Variants in SHANK2 observed in about 807,000 individuals in gnomAD.
SHANK2 encodes SH3 and multiple ankyrin repeat domains protein 2.
Under a neutral mutation model 133.7 loss-of-function variants are expected in SHANK2, and 43 were observed. The ratio of observed to expected loss-of-function variants is 0.32; its 90% confidence interval spans 0.25 to 0.41. The LOEUF (loss-of-function observed/expected upper bound fraction) is 0.41, where lower values mean the gene tolerates loss of function less well. Among genes scored for constraint, SHANK2 ranks in the 10% least tolerant of loss-of-function variants. The probability of loss-of-function intolerance (pLI) is 1.00; values close to 1 mark genes in which losing one functional copy is unlikely to be tolerated. For missense variants in SHANK2, 1,994 were observed against 2,235.8 expected, an observed-to-expected ratio of 0.89 and a Z score of 2.18; for synonymous variants, 1,017 against 952.8, an observed-to-expected ratio of 1.07 and a Z score of -1.24.
At chr11:70,532,134 T>C (rs1378520546) in intron 17 of SHANK2, among the ~76,000 whole-genome samples, 3 of 152,202 alleles carry the variant, frequency 2.0e-5, no homozygotes, top group Non-Finnish European at 2.9e-5. Context: ...AACTCAATGC[T>C]GAGCATGAGT....
intron 11 of SHANK2, among the ~76,000 whole-genome samples, chr11:70,825,333 ATT>A (rs1349260819): frequency 6.6e-6 from 1 of 152,212 alleles, no homozygotes; most frequent in Non-Finnish European, 1.5e-5. Flanking sequence ...CAGAAGGTGA[ATT>A]TTGGTGAATA....
intron 17 of SHANK2, among the ~76,000 whole-genome samples, chr11:70,653,859 C>T (rs1380137894): frequency 5.3e-5 from 8 of 152,214 alleles, no homozygotes; most frequent in Admixed American, 4.6e-4. Context: ...GTCTCGAACT[C>T]CTGACCTCAA....
intron 14 of SHANK2, among the ~76,000 whole-genome samples, chr11:70,781,152 G>T (rs887462179): frequency 1.3e-5 from 2 of 150,578 alleles, no homozygotes; most frequent in Non-Finnish European, 3.0e-5. Context: ...GTGAGACCCC[G>T]GACCGGTTGC....
At position 70,813,024 on chromosome 11, in the gene SHANK2, A is replaced by ACATT. The variant is rs1363470928; in HGVS notation, c.1494-5857_1494-5854dup. Among the ~76,000 whole-genome samples, 43 of 152,110 alleles carry ACATT rather than the reference A, an allele frequency of 2.8e-4. 2 individuals carry two copies. The highest frequency in any genetic ancestry group is 2.5e-3 in the Admixed American group (38 of 15,266). ...ATTCATTCATTCACCAGTCAGTTAC[A>ACATT]CATTCATTCATTCATCCAGCAAGTA... On this transcript the variant is annotated intron_variant, in intron 12 of 25. Coordinates refer to ENST00000601538, the MANE Select transcript of SHANK2 (RefSeq NM_012309.5).
intron 17 of SHANK2, among the ~76,000 whole-genome samples, chr11:70,659,031 A>G (rs1000709814): frequency 1.1e-4 from 17 of 152,246 alleles, no homozygotes; most frequent in African/African-American, 4.1e-4. Flanking sequence ...TCTTCTTCCT[A>G]CTTCCAAAGA....
intron 17 of SHANK2, among the ~76,000 whole-genome samples, chr11:70,594,777 T>C (rs2060374891): frequency 6.6e-6 from 1 of 152,124 alleles, no homozygotes; most frequent in African/African-American, 2.4e-5. Context: ...TGGGCATTCG[T>C]TGCCCATCAC....
rs75444828 is a variant in SHANK2, at chr11:70,769,538, C to A, written c.1777+28905G>T. On this transcript the variant is annotated intron_variant, in intron 14 of 25. Coordinates refer to ENST00000601538, the MANE Select transcript of SHANK2 (RefSeq NM_012309.5). ...TTGTGCTCAACAGACGTGATGCATA[C>A]CTGGTGCACACGGCAGGGGGTGGGG... 1.9e-4 allele frequency among the ~76,000 whole-genome samples: 28 copies of A among 150,178 alleles called. No homozygotes were observed. The East Asian group carries it at 5.2e-3, about 28-fold the overall frequency.
chr11:71,204,736 A>G (rs1555117732), intron 2 of SHANK2, among the ~76,000 whole-genome samples: 1 of 152,108 alleles, frequency 6.6e-6, no homozygotes, highest in Admixed American at 6.5e-5. Flanking sequence ...AAGACCAAGA[A>G]TGCACTCATT....
intron 10 of SHANK2, among the ~76,000 whole-genome samples, chr11:70,939,159 G>C (rs1950610895): frequency 6.6e-6 from 1 of 152,138 alleles, no homozygotes; most frequent in African/African-American, 2.4e-5. Flanking sequence ...TTCCCTCCGG[G>C]GCTTTGGGTT....
chr11:70,734,216 G>T (rs1183601982), intron 14 of SHANK2, among the ~76,000 whole-genome samples: 4 of 152,186 alleles, frequency 2.6e-5, no homozygotes, highest in African/African-American at 7.2e-5. Flanking sequence ...GCCCTTCCAG[G>T]GCACCGTGAC....
chr11:70,816,317 C>G lies in SHANK2; in HGVS notation c.1493+4047G>C, dbSNP rs1285866805. Among the ~76,000 whole-genome samples the G allele has an allele frequency of 3.9e-5, 6 of 152,346 alleles. No homozygotes were observed. In the East Asian group the frequency reaches 1.2e-3, roughly 29 times the overall value. On this transcript the variant is annotated intron_variant, in intron 12 of 25. Transcript: ENST00000601538. ...AAGGTCAGCTGGCGGGTGGGTAGAG[C>G]CAGGTAGCCCTGGCGGTCAGCACTG...
At chr11:71,117,515 G>A (rs1412223330) in intron 4 of SHANK2, among the ~76,000 whole-genome samples, 7 of 152,182 alleles carry the variant, frequency 4.6e-5, no homozygotes, top group South Asian at 2.1e-4. Context: ...GCTGGTGGCC[G>A]GAAGGATCAG....
intron 17 of SHANK2, among the ~76,000 whole-genome samples, chr11:70,618,167 G>C (rs1366202124): frequency 6.6e-6 from 1 of 151,776 alleles, no homozygotes; most frequent in Admixed American, 6.6e-5. Flanking sequence ...GTGGTGGCAC[G>C]CCTGTAATCC....
intron 17 of SHANK2, among the ~76,000 whole-genome samples, chr11:70,587,146 C>T (rs782656226): frequency 7.2e-5 from 11 of 152,186 alleles, no homozygotes; most frequent in Non-Finnish European, 1.3e-4. Context: ...AGGGTTGTTG[C>T]GTCACTTCCA....
At chr11:71,085,826 A>ATTATGTTGT (rs1433467035) in intron 8 of SHANK2, among the ~76,000 whole-genome samples, 2 of 78 alleles carry the variant, frequency 0.026, no homozygotes, top group Non-Finnish European at 0.067. Flanking sequence ...TATATTATAT[A>ATTATGTTGT]ATAATATTAT....
rs369651511 is a variant in SHANK2 at position 70,485,919 on chromosome 11, G to A, written c.4374C>T (p.Asn1458=). The part of the protein sequence containing the change: ...SPSLNSSQPT[N]SADSKKPASL... ...TGGCTGGCTTCTTGCTGTCTGCAGA[G>A]TTGGTTGGTTGGCTGGAGTTCAACG... The change falls in exon 25 of 26, where the codon AAC becomes AAT. Residue 1458 remains asparagine, a synonymous_variant. Coordinates refer to ENST00000601538, the MANE Select transcript of SHANK2 (RefSeq NM_012309.5). The surrounding 1 kb of genome is among the most constrained non-coding windows in gnomAD (Gnocchi z 5.8). 107 of 1,614,140 alleles carry A rather than the reference G, an allele frequency of 6.6e-5. No individual in the cohort carries two copies. The highest frequency in any genetic ancestry group is 8.5e-5 in the Non-Finnish European group (100 of 1,180,046).
At chr11:70,841,582 G>C (rs962337852) in intron 11 of SHANK2, among the ~76,000 whole-genome samples, 8 of 152,212 alleles carry the variant, frequency 5.3e-5, no homozygotes, top group Non-Finnish European at 2.9e-5. Flanking sequence ...CATTCCAGGA[G>C]GGTCTCCACC....
chr11:70,644,723 T>C (rs1399891314), intron 17 of SHANK2, among the ~76,000 whole-genome samples: 1 of 152,214 alleles, frequency 6.6e-6, no homozygotes, highest in Non-Finnish European at 1.5e-5. Context: ...CAGACCTGCT[T>C]GCTAAACCCC....
Position 71,168,228 on chromosome 11 carries a change from G to A in SHANK2, c.-12-20890C>T, listed in dbSNP as rs531038679. Among the ~76,000 whole-genome samples, 1,126 of 136,016 alleles carry A rather than the reference G, an allele frequency of 8.3e-3. 210 individuals are homozygous for A. Among genetic ancestry groups the A allele is most frequent in the Middle Eastern group, 0.029 (8 of 274 alleles). 89.2% of individuals were successfully genotyped at this position (136,016 alleles called of 152,430 possible). On this transcript the variant is annotated intron_variant, in intron 2 of 25. Transcript: ENST00000601538. ...GTGCTCCCCACATCTCAGACGATGG[G>A]CGGCTGGGCAGAGACGCTCCTCACT...
Sources: gnomAD v4.1 joint callset for allele counts (sites outside exome capture counted in the v4.1 genomes callset) on GRCh38, gnomAD v4.1.1 for gene constraint, Gnocchi (gnomAD v3.1) non-coding constraint, MANE v1.5 for transcripts, NCBI Gene and HGNC (gene_info 2026-07-23, HGNC 2026-07-21) for gene names.